CCDC186: variants seen among roughly 807,000 people sequenced by gnomAD.
The protein encoded by CCDC186 is coiled-coil domain-containing protein 186.
Under a neutral mutation model 113.7 loss-of-function variants are expected in CCDC186, and 49 were observed. The observed-to-expected ratio is 0.43, with a 90% CI of 0.34 to 0.55. The LOEUF is 0.55. Among genes scored for constraint, CCDC186 ranks in the 20% least tolerant of loss-of-function variants. The probability of loss-of-function intolerance (pLI) is 0.02; values close to 1 mark genes in which losing one functional copy is unlikely to be tolerated. For missense variants in CCDC186, 890 were observed against 1,011.1 expected (o/e 0.88, Z 1.62); for synonymous variants, 355 against 345.8 (o/e 1.03, Z -0.30).
chr10:114,160,676 G>A (rs551664936), intron 2 of CCDC186, among the ~76,000 whole-genome samples: 2 of 152,066 alleles, frequency 1.3e-5, no homozygotes, highest in African/African-American at 2.4e-5. Context: ...CAATAAAGCT[G>A]GGGGAAAAAT....
chr10:114,169,357 G>A lies in CCDC186; in HGVS notation c.-62+4658C>T, dbSNP rs190487261. Among the ~76,000 whole-genome samples, 12 of 146,252 alleles carry A rather than the reference G, an allele frequency of 8.2e-5. No individual in the cohort carries two copies. The East Asian group carries it at 1.5e-3, about 18-fold the overall frequency. ...CCTCCTGGGTTCCAGCGATTCTCCC[G>A]CTCAGCCTCCCAAGTAGCTGGGATT... On this transcript the variant is annotated intron_variant, in intron 1 of 15. Coordinates refer to ENST00000369287, the MANE Select transcript of CCDC186 (RefSeq NM_018017.4).
intron 14 of CCDC186, among the ~76,000 whole-genome samples, chr10:114,126,446 G>A (rs2030904267): frequency 6.6e-6 from 1 of 152,096 alleles, no homozygotes. Context: ...AGCCTCCACT[G>A]CATCGGCTCA....
intron 1 of CCDC186, among the ~76,000 whole-genome samples, chr10:114,163,849 T>C (rs1397173290): frequency 6.6e-6 from 1 of 152,072 alleles, no homozygotes; most frequent in Non-Finnish European, 1.5e-5. Flanking sequence ...CACAACTATC[T>C]ATAGCCCAGA....
In CCDC186 at chr10:114,145,637, T is replaced by A; in HGVS notation, c.1013A>T (p.Asp338Val). ...EKETLEKKLR[D>V]ANKELEKNTN... ...GTTTTTCTCAAGTTCCTTATTTGCA[T>A]CTCTAAGTTTTTTCTCAAGTGTCTC... The change falls in exon 5 of 16, where the codon GAT (aspartate) becomes GTT (valine). Residue 338 changes from aspartate to valine, a missense_variant. Physicochemically the swap from Asp to Val is radical, Grantham distance 152. Transcript: ENST00000369287. 1 of 1,613,466 alleles carries A rather than the reference T, an allele frequency of 6.2e-7. No homozygotes were observed. Among genetic ancestry groups the A allele is most frequent in the South Asian group, 1.1e-5 (1 of 90,916 alleles).
intron 3 of CCDC186, among the ~76,000 whole-genome samples, chr10:114,153,459 G>A (rs1186412361): frequency 6.6e-6 from 1 of 152,010 alleles, no homozygotes; most frequent in East Asian, 1.9e-4. Flanking sequence ...ATGCTTAGAG[G>A]AAAATTTATA....
chr10:114,169,636 G>A (rs889290880), intron 1 of CCDC186, among the ~76,000 whole-genome samples: 6 of 151,996 alleles, frequency 3.9e-5, no homozygotes, highest in African/African-American at 1.5e-4. Flanking sequence ...TCAATATAAT[G>A]GTTTATTGTC....
intron 3 of CCDC186, among the ~76,000 whole-genome samples, chr10:114,153,184 A>C (rs770976793): frequency 6.6e-6 from 1 of 152,224 alleles, no homozygotes; most frequent in Non-Finnish European, 1.5e-5. Flanking sequence ...TGCACATGGA[A>C]TATTCCATGA....
At chr10:114,173,007 G>T (rs1238490149) in intron 1 of CCDC186, 1 of 269,468 alleles carries the variant, frequency 3.7e-6, no homozygotes, top group Non-Finnish European at 7.8e-6. Context: ...TCTTCTGAAT[G>T]ACTACCAGCA....
intron 2 of CCDC186, 133 bp from the exon 3 acceptor site, chr10:114,157,813 CTAAA>C (rs2032056230): frequency 2.9e-6 from 2 of 684,576 alleles, no homozygotes; most frequent in Admixed American, 7.5e-5. Flanking sequence ...ATTAACATTC[CTAAA>C]TAATCATTTT....
chr10:114,148,635 C>T (rs961735217), intron 4 of CCDC186, among the ~76,000 whole-genome samples: 1 of 152,090 alleles, frequency 6.6e-6, no homozygotes, highest in Admixed American at 6.5e-5. Flanking sequence ...GTTGAGCTCA[C>T]AAGAAAGTAT....
rs372415174 is a variant in CCDC186, at chr10:114,164,189, C to T, written c.-61-860G>A. Among the ~76,000 whole-genome samples the T allele has an allele frequency of 4.5e-5, 6 of 133,786 alleles. No individual in the cohort carries two copies. The East Asian group carries it at 1.1e-3, about 24-fold the overall frequency. 87.8% of individuals were successfully genotyped at this position (133,786 alleles called of 152,430 possible). On this transcript the variant is annotated intron_variant, in intron 1 of 15. Coordinates refer to ENST00000369287, the MANE Select transcript of CCDC186 (RefSeq NM_018017.4). ...GGGCTGGAGTGCAATGGTGAGATCT[C>T]GGCTCACTGCTACCTCTGCCTCCCA...
In CCDC186 at chr10:114,131,306, G is replaced by C. The variant is rs199821888; in HGVS notation, c.1942C>G (p.Arg648Gly). 3 of 1,589,862 alleles carry C rather than the reference G, an allele frequency of 1.9e-6. No homozygotes were observed. Among genetic ancestry groups the C allele is most frequent in the South Asian group, 2.3e-5 (2 of 86,512 alleles). Residue 648 changes from arginine (R) to glycine (G), a missense_variant, in exon 12 of 16, where the codon CGA becomes GGA. Physicochemically the swap from Arg to Gly is moderately radical, Grantham distance 125. Coordinates refer to ENST00000369287, the MANE Select transcript of CCDC186 (RefSeq NM_018017.4). ...TGCAGAGTTTGGACTTCCTCTTTTC[G>C]CAGTTCTTCCTCTTTCAACAACCTA... The part of the protein sequence containing the change: ...ESRLLKEEEL[R>G]KEEVQTLQAE...
chr10:114,144,782 G>A (rs1315201214), intron 5 of CCDC186, among the ~76,000 whole-genome samples, 166 bp from the exon 6 acceptor site: 1 of 152,110 alleles, frequency 6.6e-6, no homozygotes, highest in Non-Finnish European at 1.5e-5. Flanking sequence ...GAAGAGGGTA[G>A]TAAAATCCTA....
At chr10:114,169,767 A>C (rs2032440736) in intron 1 of CCDC186, among the ~76,000 whole-genome samples, 1 of 152,240 alleles carries the variant, frequency 6.6e-6, no homozygotes, top group South Asian at 2.1e-4. Flanking sequence ...ATTGTAATTA[A>C]TGTCAGAAGT....
chr10:114,152,034 A>G (rs546259575), intron 3 of CCDC186, among the ~76,000 whole-genome samples: 2 of 152,326 alleles, frequency 1.3e-5, no homozygotes, highest in South Asian at 2.1e-4. Flanking sequence ...GCCACACTGC[A>G]TAAGTACTTT....
At chr10:114,155,855 C>G (rs2031995118) in intron 3 of CCDC186, among the ~76,000 whole-genome samples, 1 of 152,144 alleles carries the variant, frequency 6.6e-6, no homozygotes, top group Non-Finnish European at 1.5e-5. Context: ...TACAGCACCT[C>G]TCAATTTAGA....
Position 114,136,207 on chromosome 10 carries a change from G to A in CCDC186, c.1366C>T (p.Leu456Phe), listed in dbSNP as rs750060913. Residue 456 changes from leucine (L) to phenylalanine (F), a missense_variant, in exon 8 of 16, where the codon CTT becomes TTT. Coordinates refer to ENST00000369287, the MANE Select transcript of CCDC186 (RefSeq NM_018017.4). ...TCAAGTTCTCCTTTTGTGACTCTAA[G>A]CTTTGCATCAAGCTCATTTGATTTA... is the stretch of plus-strand genomic sequence containing the variant. Reference protein sequence around the residue: ...EIKSNELDAKLRVTKGELEKQ... With the variant: ...EIKSNELDAKFRVTKGELEKQ... The A allele has an allele frequency of 6.2e-7, 1 of 1,612,632 alleles. No individual in the cohort carries two copies. The highest frequency in any genetic ancestry group is 2.2e-5 in the East Asian group (1 of 44,794).
At chr10:114,167,686 T>C (rs1384236693) in intron 1 of CCDC186, among the ~76,000 whole-genome samples, 3 of 149,678 alleles carry the variant, frequency 2.0e-5, no homozygotes, top group African/African-American at 7.4e-5. Flanking sequence ...GAAGTGCTGA[T>C]ACACTGGGGG....
chr10:114,173,913 G>C (rs2032614782), intron 1 of CCDC186, 102 bp downstream of exon 1: 1 of 410,300 alleles, frequency 2.4e-6, no homozygotes, highest in African/African-American at 2.1e-5. Flanking sequence ...ACTCGCCCTC[G>C]CCCCCGCCAC....
Sources: gnomAD v4.1 joint callset for allele counts (sites outside exome capture counted in the v4.1 genomes callset) on GRCh38, gnomAD v4.1.1 for gene constraint, MANE v1.5 for transcripts, NCBI Gene and HGNC (gene_info 2026-07-23, HGNC 2026-07-21) for gene names.